CNBD1: variants seen among roughly 807,000 people sequenced by gnomAD.
The protein encoded by CNBD1 is cyclic nucleotide binding domain containing 1.
CNBD1 carries 71 observed loss-of-function variants against 54.4 expected under a neutral mutation model. The observed-to-expected ratio is 1.30, with a 90% CI of 1.08 to 1.59. The LOEUF (loss-of-function observed/expected upper bound fraction) is 1.59, where lower values mean the gene tolerates loss of function less well. Among genes scored for constraint, CNBD1 ranks in the 40% most tolerant of loss-of-function variants. CNBD1 has a pLI of 0.00. For missense variants in CNBD1, 659 were observed against 518.0 expected (o/e 1.27, Z -2.64); for synonymous variants, 182 against 170.7 (o/e 1.07, Z -0.51).
chr8:87,140,125 GACAA>G (rs1192647417), intron 4 of CNBD1, among the ~76,000 whole-genome samples: 2 of 151,986 alleles, frequency 1.3e-5, no homozygotes, highest in African/African-American at 4.8e-5. Context: ...CATTAATGCT[GACAA>G]ACATATTTTC....
intron 4 of CNBD1, among the ~76,000 whole-genome samples, chr8:87,131,107 T>C (rs553326311): frequency 6.8e-6 from 1 of 146,220 alleles, no homozygotes; most frequent in Admixed American, 7.0e-5. Context: ...GCAGAATAGT[T>C]ATGTCTTGCT....
chr8:87,281,669 A>G (rs1463966918), intron 6 of CNBD1, among the ~76,000 whole-genome samples: 2 of 147,536 alleles, frequency 1.4e-5, no homozygotes, highest in Non-Finnish European at 3.0e-5. Flanking sequence ...TTATTTCTAC[A>G]AGGTAGATTC....
intron 2 of CNBD1, among the ~76,000 whole-genome samples, chr8:87,407,415 T>C (rs927081675): frequency 6.6e-6 from 1 of 151,998 alleles, no homozygotes; most frequent in Non-Finnish European, 1.5e-5. Context: ...ATATTGGTGG[T>C]GTTCTAGTTT....
At chr8:87,293,403 GCA>G (rs931229809) in intron 8 of CNBD1, among the ~76,000 whole-genome samples, 11 of 151,984 alleles carry the variant, frequency 7.2e-5, no homozygotes, top group African/African-American at 2.7e-4. Context: ...AATTAGCCAG[GCA>G]CAGTGGCAGG....
intron 2 of CNBD1, among the ~76,000 whole-genome samples, chr8:87,399,394 C>T (rs1281349692): frequency 6.6e-6 from 1 of 151,960 alleles, no homozygotes; most frequent in Non-Finnish European, 1.5e-5. Flanking sequence ...CCAACACCAC[C>T]CACCTCTTCA....
At chr8:87,333,842 G>T (rs1173330305) in intron 8 of CNBD1, among the ~76,000 whole-genome samples, 3 of 152,010 alleles carry the variant, frequency 2.0e-5, no homozygotes, top group South Asian at 4.1e-4. Context: ...TTTTTGTTGT[G>T]TTCCTGCCAG....
chr8:87,108,371 A>G (rs1811584816), intron 4 of CNBD1, among the ~76,000 whole-genome samples: 1 of 152,202 alleles, frequency 6.6e-6, no homozygotes, highest in African/African-American at 2.4e-5. Flanking sequence ...ACAATATATT[A>G]CATTCATTCC....
chr8:87,261,607 T>C (rs1403462115), intron 6 of CNBD1, among the ~76,000 whole-genome samples: 5 of 151,928 alleles, frequency 3.3e-5, no homozygotes, highest in African/African-American at 1.2e-4. Flanking sequence ...GGTTACGGGT[T>C]GGCATTTGCC....
intron 10 of CNBD1, among the ~76,000 whole-genome samples, chr8:87,368,791 G>A (rs1810697546): frequency 6.6e-6 from 1 of 151,948 alleles, no homozygotes; most frequent in Non-Finnish European, 1.5e-5. Flanking sequence ...AAATGACCTT[G>A]CTTGTCTCAT....
chr8:87,349,480 A>G (rs1810239451), intron 8 of CNBD1, among the ~76,000 whole-genome samples: 1 of 152,054 alleles, frequency 6.6e-6, no homozygotes, highest in Non-Finnish European at 1.5e-5. Context: ...GGTTCAAGCT[A>G]TTCCCCTGCC....
chr8:86,892,186 C>CTA (rs1233346683), intron 2 of CNBD1, among the ~76,000 whole-genome samples: 1 of 151,982 alleles, frequency 6.6e-6, no homozygotes, highest in Non-Finnish European at 1.5e-5. Flanking sequence ...ATAGTGTTAA[C>CTA]TGTAGGCTTA....
intron 8 of CNBD1, among the ~76,000 whole-genome samples, chr8:87,334,724 CTT>C (rs1227796537): frequency 1.8e-5 from 2 of 113,230 alleles, no homozygotes; most frequent in Non-Finnish European, 1.8e-5. Context: ...TTTTTCTTTT[CTT>C]TTTTTTTTTT....
rs75196661 is a variant in CNBD1, at chr8:87,267,565, G to A, written c.772-17113G>A. 8.6e-3 allele frequency among the ~76,000 whole-genome samples: 1,307 copies of A among 152,194 alleles called. 34 individuals carry two copies. Among genetic ancestry groups the A allele is most frequent in the African/African-American group, 0.03 (1,229 of 41,542 alleles). On this transcript the variant is annotated intron_variant, in intron 6 of 10. Coordinates refer to ENST00000518476, the MANE Select transcript of CNBD1 (RefSeq NM_173538.3). ...GAGATACTATTATATATCAAATGAG[G>A]TAACATGTACAAGAATGCTTCTATC...
chr8:87,417,510 G>T (rs1052943864), intron 2 of CNBD1, among the ~76,000 whole-genome samples: 2 of 151,862 alleles, frequency 1.3e-5, no homozygotes, highest in Non-Finnish European at 1.5e-5. Context: ...GCAAGTAAAT[G>T]GAAGAAAAGA....
chr8:86,914,028 A>G (rs2078294080), intron 3 of CNBD1, among the ~76,000 whole-genome samples: 1 of 152,128 alleles, frequency 6.6e-6, no homozygotes, highest in African/African-American at 2.4e-5. Context: ...CACCCAGCCC[A>G]CAGGCAGCCA....
At chr8:87,272,019 C>T (rs1808377756) in intron 6 of CNBD1, among the ~76,000 whole-genome samples, 1 of 151,796 alleles carries the variant, frequency 6.6e-6, no homozygotes, top group Non-Finnish European at 1.5e-5. Context: ...AGACAGGTAT[C>T]ACATGTGGGA....
intron 8 of CNBD1, among the ~76,000 whole-genome samples, chr8:87,320,626 GC>G (rs202070245): frequency 0.029 from 4,201 of 146,422 alleles, 151 homozygotes; most frequent in African/African-American, 0.082. Flanking sequence ...GTGTGGGGGG[GC>G]GGCTCAGGGT....
chr8:87,279,418 C>A (rs544341774), intron 6 of CNBD1, among the ~76,000 whole-genome samples: 1 of 151,206 alleles, frequency 6.6e-6, no homozygotes, highest in African/African-American at 2.4e-5. Context: ...ATACATTAAA[C>A]GTAAACAGAC....
At chr8:87,356,261 G>C (rs1711677316) in intron 10 of CNBD1, among the ~76,000 whole-genome samples, 1 of 152,198 alleles carries the variant, frequency 6.6e-6, no homozygotes, top group Non-Finnish European at 1.5e-5. Flanking sequence ...GTAGCAAGCA[G>C]AGGTTGGAAG....
Sources: allele counts gnomAD v4.1 joint callset (sites outside exome capture counted in the v4.1 genomes callset), GRCh38; gene constraint gnomAD v4.1.1; transcripts MANE v1.5; gene names NCBI Gene and HGNC (gene_info 2026-07-23, HGNC 2026-07-21).